FAM53B: variants seen among roughly 807,000 people sequenced by gnomAD.
FAM53B encodes the protein family with sequence similarity 53 member B.
FAM53B carries 12 observed loss-of-function variants against 32.7 expected under a neutral mutation model. That is an observed-to-expected ratio of 0.37 (90% CI 0.24 to 0.59). FAM53B has a LOEUF of 0.59. FAM53B is among the 20% of genes least tolerant of loss of function. The pLI, the probability that FAM53B is intolerant of heterozygous loss-of-function variation, is 0.72. For missense variants in FAM53B, 477 were observed against 577.7 expected, an observed-to-expected ratio of 0.83 and a Z score of 1.79; for synonymous variants, 234 against 228.7, an observed-to-expected ratio of 1.02 and a Z score of -0.21.
At chr10:124,631,759 A>G (rs1949392573) in intron 4 of FAM53B, among the ~76,000 whole-genome samples, 1 of 152,218 alleles carries the variant, frequency 6.6e-6, no homozygotes, top group Non-Finnish European at 1.5e-5. Context: ...CCTCTGCACC[A>G]GCCCTGGGTC....
At chr10:124,629,413 T>C (rs1949376698) in intron 4 of FAM53B, among the ~76,000 whole-genome samples, 1 of 152,226 alleles carries the variant, frequency 6.6e-6, no homozygotes, top group Non-Finnish European at 1.5e-5. Context: ...TCCCTCTTTT[T>C]AGTCCAGTTT....
chr10:124,632,612 C>G lies in FAM53B; in HGVS notation c.907-9008G>C, dbSNP rs117935027. Among the ~76,000 whole-genome samples the G allele has an allele frequency of 5.8e-3, 887 of 152,356 alleles. 7 individuals are homozygous for G. The highest frequency in any genetic ancestry group is 6.7e-3 in the Non-Finnish European group (456 of 68,032). ...TGGGGCCACATCGGGGTGCTGAAGA[C>G]AGGACTGCTGAGCACGGCCTCTGGG... On this transcript the variant is annotated intron_variant, in intron 4 of 4. Coordinates refer to ENST00000337318, the MANE Select transcript of FAM53B (RefSeq NM_014661.4).
chr10:124,646,339 C>T (rs765532471), intron 4 of FAM53B, among the ~76,000 whole-genome samples: 1 of 152,228 alleles, frequency 6.6e-6, no homozygotes, highest in Non-Finnish European at 1.5e-5. Flanking sequence ...GCTGTATCTG[C>T]TCTGGCCCCG....
chr10:124,711,112 C>T (rs1242795953), intron 1 of FAM53B, among the ~76,000 whole-genome samples: 1 of 152,168 alleles, frequency 6.6e-6, no homozygotes, highest in African/African-American at 2.4e-5. Flanking sequence ...GGCACAGCCA[C>T]ACTGTGGAAT....
chr10:124,723,391 G>C (rs1438946381), intron 1 of FAM53B, among the ~76,000 whole-genome samples: 2 of 152,234 alleles, frequency 1.3e-5, no homozygotes, highest in African/African-American at 2.4e-5. Context: ...TCAAAGCACA[G>C]CACCTCCTGA....
chr10:124,734,972 C>T (rs1950165229), intron 1 of FAM53B, among the ~76,000 whole-genome samples: 1 of 152,228 alleles, frequency 6.6e-6, no homozygotes, highest in Admixed American at 6.5e-5. Context: ...TGAGCTCTTG[C>T]TCCTGCAGAC....
At chr10:124,646,277 C>T (rs1031836066) in intron 4 of FAM53B, among the ~76,000 whole-genome samples, 2 of 152,342 alleles carry the variant, frequency 1.3e-5, no homozygotes, top group East Asian at 3.9e-4. Flanking sequence ...TTTCTTTAGG[C>T]ATTTGCTATG....
At chr10:124,668,245 A>G (rs1949685967) in intron 4 of FAM53B, among the ~76,000 whole-genome samples, 1 of 152,246 alleles carries the variant, frequency 6.6e-6, no homozygotes, top group Admixed American at 6.5e-5. Context: ...ACATCTGCGG[A>G]AATGCTCTCC....
chr10:124,679,620 C>T (rs960075026), intron 4 of FAM53B, among the ~76,000 whole-genome samples: 1 of 152,250 alleles, frequency 6.6e-6, no homozygotes, highest in Non-Finnish European at 1.5e-5. Context: ...TGGCCATAGG[C>T]CTTGGGCACA....
chr10:124,714,094 C>T (rs1354191061), intron 1 of FAM53B: 1 of 152,104 alleles, frequency 6.6e-6, no homozygotes, highest in East Asian at 1.9e-4. Context: ...CCCTAAAGTG[C>T]GAGAAGGGTT....
chr10:124,732,034 G>A (rs908397805), intron 1 of FAM53B, among the ~76,000 whole-genome samples: 5 of 152,146 alleles, frequency 3.3e-5, no homozygotes, highest in Non-Finnish European at 7.3e-5. Context: ...GCAGAGGAGA[G>A]GGCAACCTGG....
intron 4 of FAM53B, among the ~76,000 whole-genome samples, chr10:124,667,947 G>A (rs1195406606): frequency 1.3e-5 from 2 of 152,118 alleles, no homozygotes; most frequent in African/African-American, 2.4e-5. Flanking sequence ...GAGGGGCAGC[G>A]ACTTGCTCAG....
intron 4 of FAM53B, among the ~76,000 whole-genome samples, chr10:124,649,096 C>A (rs966255998): frequency 6.6e-6 from 1 of 152,186 alleles, no homozygotes; most frequent in African/African-American, 2.4e-5. Flanking sequence ...TCTAAGTGAC[C>A]CAGGGCAAAG....
intron 1 of FAM53B, among the ~76,000 whole-genome samples, chr10:124,721,157 A>G (rs1950066523): frequency 6.6e-6 from 1 of 152,216 alleles, no homozygotes; most frequent in Non-Finnish European, 1.5e-5. Flanking sequence ...AGTCTGGATC[A>G]TGCCGCTGCA....
chr10:124,671,267 C>T (rs1013172286), intron 4 of FAM53B: 7 of 440,760 alleles, frequency 1.6e-5, no homozygotes, highest in Admixed American at 4.7e-5. Context: ...AGCTAGCCGG[C>T]GCCCCTGCCT....
intron 1 of FAM53B, among the ~76,000 whole-genome samples, chr10:124,738,286 T>C (rs1011200361): frequency 3.9e-5 from 6 of 151,928 alleles, no homozygotes; most frequent in African/African-American, 1.2e-4. Flanking sequence ...ACTTTAAAGA[T>C]ACCAATGCTG....
At chr10:124,724,957 C>T (rs1362708223) in intron 1 of FAM53B, among the ~76,000 whole-genome samples, 3 of 152,218 alleles carry the variant, frequency 2.0e-5, no homozygotes, top group African/African-American at 7.2e-5. Flanking sequence ...CTGCAGAAGG[C>T]AGAGTACTGG....
chr10:124,726,278 A>G (rs984154537), intron 1 of FAM53B, among the ~76,000 whole-genome samples: 1 of 152,218 alleles, frequency 6.6e-6, no homozygotes, highest in Non-Finnish European at 1.5e-5. Flanking sequence ...TGGGTGGCCT[A>G]CTACCCACCC....
chr10:124,735,325 T>A (rs563761837), intron 1 of FAM53B, among the ~76,000 whole-genome samples: 1 of 152,302 alleles, frequency 6.6e-6, no homozygotes, highest in African/African-American at 2.4e-5. Flanking sequence ...CATACATGCA[T>A]TTAACGTTCT....
Sources: allele counts gnomAD v4.1 joint callset (sites outside exome capture counted in the v4.1 genomes callset), GRCh38; gene constraint gnomAD v4.1.1; transcripts MANE v1.5; gene names NCBI Gene and HGNC (gene_info 2026-07-23, HGNC 2026-07-21).